The following MYT1L variants were observed in gnomAD, a reference collection of about 807,000 sequenced individuals.
MYT1L encodes the protein myelin transcription factor 1 like, also known as myelin transcription factor 1-like protein.
Under a neutral mutation model 126.7 loss-of-function variants are expected in MYT1L, and 12 were observed. That is an observed-to-expected ratio of 0.09 (90% CI 0.06 to 0.15). MYT1L has a LOEUF of 0.15. MYT1L is among the 10% of genes least tolerant of loss of function. The probability of loss-of-function intolerance (pLI) is 1.00; values close to 1 mark genes in which losing one functional copy is unlikely to be tolerated. For synonymous variants in MYT1L, 541 were observed against 604.2 expected, an observed-to-expected ratio of 0.90 and a Z score of 1.53; for missense variants, 979 against 1,585.2, an observed-to-expected ratio of 0.62 and a Z score of 6.49.
At chr2:2,022,227 G>C (rs1297785087) in intron 4 of MYT1L, among the ~76,000 whole-genome samples, 1 of 152,176 alleles carries the variant, frequency 6.6e-6, no homozygotes. Flanking sequence ...CAAATTGGGA[G>C]GGATTTCTGC....
chr2:1,805,440 G>C (rs1052984008), intron 22 of MYT1L, among the ~76,000 whole-genome samples: 6 of 152,164 alleles, frequency 3.9e-5, no homozygotes, highest in Non-Finnish European at 5.9e-5. Flanking sequence ...CCCAGGAAAG[G>C]CTTTACACTC....
At chr2:2,305,333 A>G (rs1374978551) in intron 1 of MYT1L, among the ~76,000 whole-genome samples, 1 of 152,228 alleles carries the variant, frequency 6.6e-6, no homozygotes, top group Non-Finnish European at 1.5e-5. Flanking sequence ...CCTACAGTTG[A>G]TGGCTGAAAT....
At chr2:1,861,103 A>G (rs1028845173) in intron 18 of MYT1L, among the ~76,000 whole-genome samples, 1 of 152,054 alleles carries the variant, frequency 6.6e-6, no homozygotes, top group Non-Finnish European at 1.5e-5. Flanking sequence ...AAATCTGAGG[A>G]CCCCGAGGCC....
chr2:1,930,587 C>T (rs781083900), intron 9 of MYT1L, among the ~76,000 whole-genome samples: 2 of 152,176 alleles, frequency 1.3e-5, no homozygotes, highest in African/African-American at 2.4e-5. Flanking sequence ...AGCGTCGGGG[C>T]TGCTGGGCAC....
intron 3 of MYT1L, among the ~76,000 whole-genome samples, chr2:2,061,635 C>T (rs995687199): frequency 2.6e-5 from 4 of 152,146 alleles, no homozygotes; most frequent in African/African-American, 7.2e-5. Flanking sequence ...CGCGTAACTG[C>T]GCTCTCATTC....
intron 21 of MYT1L, chr2:1,828,254 C>T (rs1471378177): frequency 1.3e-5 from 2 of 151,942 alleles, no homozygotes; most frequent in Non-Finnish European, 2.9e-5. Context: ...CTTCCTGGTA[C>T]TAGGTGACAC....
At chr2:2,008,611 T>C (rs2063541981) in intron 4 of MYT1L, among the ~76,000 whole-genome samples, 1 of 152,146 alleles carries the variant, frequency 6.6e-6, no homozygotes, top group Non-Finnish European at 1.5e-5. Flanking sequence ...TTTGCAAACT[T>C]TTTTTTTCCA....
At chr2:2,175,146 C>G (rs558187750) in intron 2 of MYT1L, among the ~76,000 whole-genome samples, 1 of 152,164 alleles carries the variant, frequency 6.6e-6, no homozygotes, top group African/African-American at 2.4e-5. Flanking sequence ...AGGGCCTCCA[C>G]CGTGGGGCAC....
At chr2:2,263,305 C>T (rs1019147343) in intron 2 of MYT1L, among the ~76,000 whole-genome samples, 1 of 151,950 alleles carries the variant, frequency 6.6e-6, no homozygotes, top group South Asian at 2.1e-4. Flanking sequence ...GAGGGCCAAT[C>T]ACCTCCCAGC....
At chr2:2,201,979 A>C (rs60276756) in intron 2 of MYT1L, among the ~76,000 whole-genome samples, 1 of 152,030 alleles carries the variant, frequency 6.6e-6, no homozygotes, top group Non-Finnish European at 1.5e-5. Context: ...ACTCAAAACC[A>C]CTCAATTACA....
At chr2:2,249,676 G>A (rs1421995287) in intron 2 of MYT1L, among the ~76,000 whole-genome samples, 2 of 151,952 alleles carry the variant, frequency 1.3e-5, no homozygotes, top group Admixed American at 6.6e-5. Context: ...TGGACAAATG[G>A]AATCACATCA....
intron 3 of MYT1L, among the ~76,000 whole-genome samples, chr2:2,079,680 G>A (rs1332480322): frequency 3.9e-5 from 6 of 152,036 alleles, no homozygotes; most frequent in East Asian, 1.9e-4. Flanking sequence ...GGTGGTGGGC[G>A]CCTGTAGTCC....
chr2:2,143,870 C>G (rs1231898309), intron 3 of MYT1L, among the ~76,000 whole-genome samples: 1 of 148,792 alleles, frequency 6.7e-6, no homozygotes, highest in African/African-American at 2.5e-5. Context: ...AACAGAAAAC[C>G]AAATGCCATG....
chr2:1,990,958 C>T (rs931471808), intron 5 of MYT1L, among the ~76,000 whole-genome samples: 16 of 152,190 alleles, frequency 1.1e-4, no homozygotes, highest in African/African-American at 3.1e-4. Flanking sequence ...TCCTGCCGTG[C>T]CAGCTTCCTT....
intron 14 of MYT1L, 113 bp from the exon 15 acceptor site, chr2:1,892,400 G>C: frequency 1.4e-6 from 2 of 1,412,558 alleles, no homozygotes; most frequent in Non-Finnish European, 1.9e-6. Flanking sequence ...GCGTGGGACG[G>C]CCCTCAGGGT....
intron 18 of MYT1L, among the ~76,000 whole-genome samples, chr2:1,868,297 G>A (rs750018681): frequency 3.9e-5 from 6 of 152,210 alleles, no homozygotes; most frequent in Non-Finnish European, 5.9e-5. Context: ...ATTTAAAAAT[G>A]TGTCTGTCTC....
At chr2:2,102,275 T>G (rs113315039) in intron 3 of MYT1L, among the ~76,000 whole-genome samples, 2,149 of 152,338 alleles carry the variant, frequency 0.014, 22 homozygotes, top group Non-Finnish European at 0.025. Flanking sequence ...AACATTTTGA[T>G]CCCTCCAAAC....
chr2:2,220,298 G>C (rs183063849), intron 2 of MYT1L, among the ~76,000 whole-genome samples: 1 of 152,278 alleles, frequency 6.6e-6, no homozygotes, highest in East Asian at 1.9e-4. Flanking sequence ...ATATGGTTCA[G>C]AAAGGCGGGA....
In MYT1L at chr2:2,168,898, C is replaced by T. The variant is rs57641854; in HGVS notation, c.-304+3974G>A. ...AGAGCCAGGTGATGCAGTTGGTGGT[C>T]TTCACTGGGGAGCTGCTATCTGAAG... On this transcript the variant is annotated intron_variant, in intron 3 of 24. Transcript: ENST00000647738. Among the ~76,000 whole-genome samples, 920 of 152,274 alleles carry T rather than the reference C, an allele frequency of 6.0e-3. 12 individuals carry two copies. Among genetic ancestry groups the T allele is most frequent in the African/African-American group, 0.022 (901 of 41,548 alleles).
Sources: allele counts gnomAD v4.1 joint callset (sites outside exome capture counted in the v4.1 genomes callset), GRCh38; gene constraint gnomAD v4.1.1; transcripts MANE v1.5; gene names NCBI Gene and HGNC (gene_info 2026-07-23, HGNC 2026-07-21).